Variants in CCT8 observed in about 807,000 individuals in gnomAD.
CCT8 encodes the protein chaperonin containing TCP1 subunit 8, also known as T-complex protein 1 subunit theta.
In CCT8, 10 loss-of-function variants were observed where a neutral mutation model predicts 65.7. That is an observed-to-expected ratio of 0.15 (90% CI 0.09 to 0.26). The LOEUF is 0.26. Among genes scored for constraint, CCT8 ranks in the 10% least tolerant of loss-of-function variants. The pLI, the probability that CCT8 is intolerant of heterozygous loss-of-function variation, is 1.00. For synonymous variants in CCT8, 199 were observed against 221.8 expected (o/e 0.90, Z 0.92); for missense variants, 568 against 669.1 (o/e 0.85, Z 1.67).
Position 29,062,196 on chromosome 21 carries a change from C to G in CCT8, c.1144G>C (p.Asp382His). ...ISTIVLRGSTDNLMDDIERAV... is the reference protein window; with the variant it reads ...ISTIVLRGSTHNLMDDIERAV... ...CTTTCTATGTCATCCATCAGATTGT[C>G]TGTAGAGCCTCGAAGTACTATGGTA... The change falls in exon 11 of 15, where the codon GAC becomes CAC. Residue 382 changes from aspartate (D) to histidine (H), a missense_variant. Physicochemically the swap from Asp to His is moderately conservative, Grantham distance 81. Transcript: ENST00000286788. 1 of 1,613,878 alleles carries G rather than the reference C, an allele frequency of 6.2e-7. No homozygotes were observed. Among genetic ancestry groups the G allele is most frequent in the East Asian group, 2.2e-5 (1 of 44,870 alleles).
chr21:29,060,483 T>A, intron 14 of CCT8, 58 bp downstream of exon 14: 1 of 1,548,066 alleles, frequency 6.5e-7, no homozygotes, highest in Non-Finnish European at 8.9e-7. Flanking sequence ...TGGGAAAATA[T>A]ACTATTAAAC....
At chr21:29,066,632 T>A (rs2085625428) in intron 6 of CCT8, 84 bp downstream of exon 6, 1 of 204,078 alleles carries the variant, frequency 4.9e-6, no homozygotes, top group Non-Finnish European at 9.0e-6. Flanking sequence ...GATGAACACA[T>A]TTTTTTTTTT....
intron 14 of CCT8, among the ~76,000 whole-genome samples, chr21:29,057,706 T>C (rs987376544): frequency 2.7e-5 from 4 of 147,042 alleles, no homozygotes; most frequent in Admixed American, 2.0e-4. Flanking sequence ...ATATATCATA[T>C]ATAATATATA....
intron 1 of CCT8, 167 bp downstream of exon 1, chr21:29,073,364 C>T: frequency 1.4e-6 from 2 of 1,434,752 alleles, no homozygotes; most frequent in Non-Finnish European, 9.1e-7. Flanking sequence ...CCGCAGGCTC[C>T]GGTGGCCGAG....
rs567929069 is a variant in CCT8, at chr21:29,061,235, C to T, written c.1449+18G>A. ...TTCCCCAAATAAAGCAATTTAAGTT[C>T]AGTGTTTTTTCAAATACCTCAATAT... is the stretch of plus-strand genomic sequence containing the variant. On this transcript the variant is annotated intron_variant, in intron 13 of 14. Transcript: ENST00000286788. The T allele has an allele frequency of 1.9e-6, 3 of 1,591,764 alleles. No homozygotes were observed. The highest frequency in any genetic ancestry group is 2.2e-5 in the East Asian group (1 of 44,710).
In CCT8 at chr21:29,063,511, G is replaced by A. The variant is rs1307871599; in HGVS notation, c.782C>T (p.Thr261Ile). The A allele has an allele frequency of 6.2e-7, 1 of 1,613,662 alleles. No individual in the cohort carries two copies. The highest frequency in any genetic ancestry group is 8.5e-7 in the Non-Finnish European group (1 of 1,179,952). Residue 261 changes from threonine (T) to isoleucine (I), a missense_variant, in exon 8 of 15, where the codon ACT (threonine) becomes ATT (isoleucine). Physicochemically the swap from Thr to Ile is moderately conservative, Grantham distance 89. Transcript: ENST00000286788. ...TETKGTVLIK[T>I]AEELMNFSKG... ...ACTAAAATTCATCAATTCTTCAGCA[G>A]TCTTTATCAACACTGTTCCCTGGCA...
chr21:29,056,846 T>C (rs1218018766), intron 14 of CCT8, among the ~76,000 whole-genome samples: 1 of 152,204 alleles, frequency 6.6e-6, no homozygotes, highest in Non-Finnish European at 1.5e-5. Context: ...AGTGAAAATA[T>C]GTGCATGCAT....
At chr21:29,060,806 G>A in intron 13 of CCT8, 146 bp from the exon 14 acceptor site, 4 of 858,264 alleles carry the variant, frequency 4.7e-6, no homozygotes, top group Non-Finnish European at 7.2e-6. Flanking sequence ...TTTAGTATGT[G>A]AGGATTGGTT....
chr21:29,060,456 A>G lies in CCT8; in HGVS notation c.1569+85T>C, dbSNP rs547837028. The G allele has an allele frequency of 2.9e-4, 396 of 1,355,402 alleles. 6 individuals carry two copies. The South Asian group carries it at 4.9e-3, about 17-fold the overall frequency. The allele number at this position is 1,355,402 out of a possible 1,614,324, so 84.0% of individuals were successfully genotyped here. A position where few individuals can be genotyped will look rare whatever the true frequency, so the allele number is the denominator to read the frequency against. On this transcript the variant is annotated intron_variant, in intron 14 of 14. Transcript: ENST00000286788. ...ACTAAGAATCCTTTGAATTAGAACT[A>G]TGCTATGTTCTAGTTCTGGGAAAAT...
chr21:29,073,401 G>A (rs2085705810), intron 1 of CCT8, 130 bp downstream of exon 1: 3 of 1,511,552 alleles, frequency 2.0e-6, no homozygotes, highest in Admixed American at 4.4e-5. Flanking sequence ...TCCCTTTCTG[G>A]AATCTTCTCT....
intron 14 of CCT8, among the ~76,000 whole-genome samples, chr21:29,057,686 TATATC>T (rs200058652): frequency 1.3e-3 from 108 of 82,098 alleles, no homozygotes; most frequent in Middle Eastern, 4.3e-3. Flanking sequence ...ATACGATACA[TATATC>T]ATACATATAT....
At position 29,071,371 on chromosome 21, in the gene CCT8, C is replaced by T. The variant is rs182011083; in HGVS notation, c.61-1034G>A. On this transcript the variant is annotated intron_variant, in intron 1 of 14. Coordinates refer to ENST00000286788, the MANE Select transcript of CCT8 (RefSeq NM_006585.4). ...AAGCCATGATTTTGTGATCCAAAAC[C>T]AAGGTTAATAGCCATTACTCTTTTT... Among the ~76,000 whole-genome samples the T allele has an allele frequency of 1.3e-4, 20 of 152,040 alleles. No individual in the cohort carries two copies. The East Asian group carries it at 3.1e-3, about 24-fold the overall frequency.
chr21:29,072,244 T>A (rs1416182398), intron 1 of CCT8: 1 of 340,290 alleles, frequency 2.9e-6, no homozygotes, highest in East Asian at 4.8e-5. Context: ...TAGTGCAGTT[T>A]CTTTCATCAT....
intron 14 of CCT8, among the ~76,000 whole-genome samples, chr21:29,059,160 T>G (rs982530916): frequency 5.9e-5 from 9 of 152,240 alleles, no homozygotes; most frequent in Non-Finnish European, 1.2e-4. Context: ...AAATAGACAT[T>G]CCAACAAAGA....
chr21:29,068,170 T>C (rs754708066), intron 3 of CCT8, among the ~76,000 whole-genome samples: 1 of 152,210 alleles, frequency 6.6e-6, no homozygotes, highest in Non-Finnish European at 1.5e-5. Context: ...AGTATAAAAC[T>C]TTTCTTCAAA....
intron 7 of CCT8, among the ~76,000 whole-genome samples, chr21:29,064,536 G>A (rs780368676): frequency 1.9e-4 from 28 of 151,024 alleles, no homozygotes; most frequent in Non-Finnish European, 3.2e-4. Context: ...AAGAATTCTA[G>A]AGATGAAGTC....
intron 2 of CCT8, 133 bp downstream of exon 2, chr21:29,070,114 G>T: frequency 2.0e-6 from 1 of 489,210 alleles, no homozygotes; most frequent in Non-Finnish European, 3.5e-6. Context: ...CTAAAAATTG[G>T]AAATGAACTA....
In CCT8 at chr21:29,061,169, T is replaced by C. The variant is rs1326235887; in HGVS notation, c.1449+84A>G. On this transcript the variant is annotated intron_variant, in intron 13 of 14. Transcript: ENST00000286788. ...TCCCAAATCAGAACACTGTTTCTCA[T>C]TGATATTTCTTTTAAACTCATACTA... is the stretch of plus-strand genomic sequence containing the variant. The C allele has an allele frequency of 1.5e-5, 16 of 1,086,524 alleles. No homozygotes were observed. In the East Asian group the frequency reaches 3.1e-4, roughly 21 times the overall value. The allele number at this position is 1,086,524 out of a possible 1,614,324, so 67.3% of individuals were successfully genotyped here.
At chr21:29,072,479 G>A (rs2085692701) in intron 1 of CCT8, among the ~76,000 whole-genome samples, 1 of 152,152 alleles carries the variant, frequency 6.6e-6, no homozygotes, top group South Asian at 2.1e-4. Context: ...CAAATTGGAA[G>A]CTATTATCTC....
Sources: allele counts gnomAD v4.1 joint callset (sites outside exome capture counted in the v4.1 genomes callset), GRCh38; gene constraint gnomAD v4.1.1; transcripts MANE v1.5; gene names NCBI Gene and HGNC (gene_info 2026-07-23, HGNC 2026-07-21).